The following USP54 variants were observed in gnomAD, a reference collection of about 807,000 sequenced individuals.
USP54 encodes ubiquitin specific peptidase 54.
Under a neutral mutation model 170.5 loss-of-function variants are expected in USP54, and 87 were observed. The observed-to-expected ratio is 0.51, with a 90% CI of 0.43 to 0.61. The LOEUF (loss-of-function observed/expected upper bound fraction) is 0.61, where lower values mean the gene tolerates loss of function less well. Among genes scored for constraint, USP54 ranks in the 20% least tolerant of loss-of-function variants. USP54 has a pLI of 0.00. For synonymous variants in USP54, 655 were observed against 742.8 expected (o/e 0.88, Z 1.92); for missense variants, 1,786 against 2,047.8 (o/e 0.87, Z 2.47).
intron 19 of USP54, 78 bp downstream of exon 19, chr10:73,519,719 T>G: frequency 6.3e-7 from 1 of 1,589,700 alleles, no homozygotes; most frequent in Non-Finnish European, 8.6e-7. Context: ...GCCAAGACAA[T>G]GAGAGCTCTT....
chr10:73,584,270 C>T (rs888856105), intron 1 of USP54, among the ~76,000 whole-genome samples: 2 of 152,232 alleles, frequency 1.3e-5, no homozygotes, highest in African/African-American at 4.8e-5. Flanking sequence ...TGCCTGTAAT[C>T]CCAGCTACTC....
rs751188746 is a variant in USP54 at position 73,529,818 on chromosome 10, G to T, written c.1922C>A (p.Ala641Glu). ...CTCTAAAAGGTGAGAGCCTGGCCGT[G>T]CTGGGCCCCAGCGCTTGTACTGGGG... ...PSPQYKRWGPARPGSHLLEQH... is the reference protein window; with the variant it reads ...PSPQYKRWGPERPGSHLLEQH... Residue 641 changes from alanine (A) to glutamate (E), a missense_variant, in exon 15 of 24, where the codon GCA (alanine) becomes GAA (glutamate). Physicochemically the swap from Ala to Glu is moderately radical, Grantham distance 107. This residue lies in a region of USP54 where 1,418 missense variants were observed against 1,569.0 expected (regional missense o/e 0.90). Coordinates refer to ENST00000687698, the MANE Select transcript of USP54 (RefSeq NM_001391956.1). The T allele has an allele frequency of 1.9e-6, 3 of 1,611,510 alleles. No individual in the cohort carries two copies. The East Asian group carries it at 6.7e-5, about 36-fold the overall frequency.
At chr10:73,610,857 A>C (rs2080085322) in intron 1 of USP54, among the ~76,000 whole-genome samples, 1 of 152,178 alleles carries the variant, frequency 6.6e-6, no homozygotes, top group Non-Finnish European at 1.5e-5. Flanking sequence ...TGGCACGGGA[A>C]GGTAATGCTA....
chr10:73,567,845 T>C (rs2074205740), intron 4 of USP54, among the ~76,000 whole-genome samples: 1 of 152,176 alleles, frequency 6.6e-6, no homozygotes, highest in Non-Finnish European at 1.5e-5. Flanking sequence ...TTTCCTTTGG[T>C]TTTGTCTTAT....
intron 1 of USP54, among the ~76,000 whole-genome samples, chr10:73,597,901 T>G (rs1318787806): frequency 6.6e-6 from 1 of 151,972 alleles, no homozygotes; most frequent in Non-Finnish European, 1.5e-5. Flanking sequence ...CCTGGCCAAC[T>G]TGGTGAAACC....
intron 4 of USP54, among the ~76,000 whole-genome samples, chr10:73,567,027 C>G (rs555073999): frequency 1.8e-4 from 28 of 151,948 alleles, no homozygotes; most frequent in African/African-American, 6.7e-4. Context: ...CAAGCATGCG[C>G]CACCACACCC....
chr10:73,617,577 C>A (rs1420109008), intron 1 of USP54, among the ~76,000 whole-genome samples: 1 of 150,168 alleles, frequency 6.7e-6, no homozygotes, highest in Non-Finnish European at 1.5e-5. Flanking sequence ...TACGTGTAAT[C>A]CCAGCACTTT....
At chr10:73,577,855 C>T (rs969162143) in intron 1 of USP54, among the ~76,000 whole-genome samples, 8 of 152,076 alleles carry the variant, frequency 5.3e-5, no homozygotes, top group African/African-American at 1.4e-4. Flanking sequence ...ACTATAAGAC[C>T]CTCACCTTTC....
intron 12 of USP54, among the ~76,000 whole-genome samples, chr10:73,534,294 C>T (rs921859437): frequency 2.6e-5 from 4 of 152,002 alleles, no homozygotes; most frequent in Non-Finnish European, 5.9e-5. Context: ...GAAAGCTTCG[C>T]CTCCTGGGTT....
chr10:73,540,542 C>G (rs2066392291), intron 9 of USP54, among the ~76,000 whole-genome samples: 1 of 152,082 alleles, frequency 6.6e-6, no homozygotes, highest in Non-Finnish European at 1.5e-5. Context: ...TGCACTCCAG[C>G]CTGGGCGACA....
Position 73,516,544 on chromosome 10 carries a change from T to A in USP54, c.3882A>T (p.Val1294=), listed in dbSNP as rs774214221. The A allele has an allele frequency of 6.2e-7, 1 of 1,614,196 alleles. No homozygotes were observed. The highest frequency in any genetic ancestry group is 1.7e-5 in the Admixed American group (1 of 60,016). Residue 1294 remains valine, a synonymous_variant, in exon 20 of 24, where the codon GTA becomes GTT. Coordinates refer to ENST00000687698, the MANE Select transcript of USP54 (RefSeq NM_001391956.1). ...KSSPHDSHTC[V]TYPERNHILL... is the part of the protein sequence containing the mutation. ...GGATGTGATTTCTCTCTGGATAGGT[T>A]ACACACGTATGGGAATCATGAGGGG...
chr10:73,522,404 G>T lies in USP54; in HGVS notation c.2362+1179C>A, dbSNP rs559140617. Among the ~76,000 whole-genome samples, 18 of 152,288 alleles carry T rather than the reference G, an allele frequency of 1.2e-4. No individual in the cohort carries two copies. In the South Asian group the frequency reaches 3.7e-3, roughly 32 times the overall value. ...ACTAAATTTTAATTCTTATCCTTCA[G>T]AATCTTAGCATTCCATTCCTTGCTC... On this transcript the variant is annotated intron_variant, in intron 17 of 23. Transcript: ENST00000687698.
chr10:73,600,541 T>C (rs192069431), intron 1 of USP54, among the ~76,000 whole-genome samples: 3 of 152,290 alleles, frequency 2.0e-5, no homozygotes, highest in Admixed American at 2.0e-4. Flanking sequence ...TATCTCAAGA[T>C]AAAAAGTTCC....
At chr10:73,602,958 C>T (rs1379595806) in intron 1 of USP54, among the ~76,000 whole-genome samples, 1 of 150,842 alleles carries the variant, frequency 6.6e-6, no homozygotes, top group Non-Finnish European at 1.5e-5. Context: ...CATTTCTATA[C>T]ACCTATTATG....
intron 1 of USP54, among the ~76,000 whole-genome samples, chr10:73,600,845 C>T (rs540184104): frequency 1.3e-5 from 2 of 152,190 alleles, no homozygotes; most frequent in East Asian, 1.9e-4. Context: ...ACCCGGGGGG[C>T]GGAGGTTGCA....
At chr10:73,532,277 A>C (rs2064153831) in intron 12 of USP54, among the ~76,000 whole-genome samples, 2 of 151,780 alleles carry the variant, frequency 1.3e-5, no homozygotes, top group African/African-American at 4.8e-5. Context: ...GGTTCACGCC[A>C]TTCTCCTGCC....
At chr10:73,539,943 T>C (rs548473430) in intron 9 of USP54, among the ~76,000 whole-genome samples, 41 of 151,534 alleles carry the variant, frequency 2.7e-4, no homozygotes, top group African/African-American at 9.0e-4. Flanking sequence ...CTGGCCAACA[T>C]AGTGAAACCC....
chr10:73,521,996 G>C (rs892225006), intron 17 of USP54, among the ~76,000 whole-genome samples: 2 of 152,146 alleles, frequency 1.3e-5, no homozygotes, highest in African/African-American at 4.8e-5. Context: ...TTGCCAGTGA[G>C]CCTTCACAAG....
intron 11 of USP54, 57 bp from the exon 12 acceptor site, chr10:73,534,827 A>C: frequency 1.3e-6 from 2 of 1,530,724 alleles, no homozygotes; most frequent in Non-Finnish European, 1.8e-6. Context: ...AGTAGCAAAG[A>C]GAAGGAAAAG....
Sources: gnomAD v4.1 joint callset for allele counts (sites outside exome capture counted in the v4.1 genomes callset) on GRCh38, gnomAD v4.1.1 for gene constraint, gnomAD v4.1.1 regional missense constraint, MANE v1.5 for transcripts, NCBI Gene and HGNC (gene_info 2026-07-23, HGNC 2026-07-21) for gene names.